Variants in EYA1 observed in about 807,000 individuals in gnomAD.
EYA1 encodes the protein EYA transcriptional coactivator and phosphatase 1.
A neutral mutation model predicts 82.0 loss-of-function variants in EYA1; 16 were observed. That is an observed-to-expected ratio of 0.20 (90% confidence interval 0.13 to 0.30). EYA1 has a LOEUF of 0.30. Among genes scored for constraint, EYA1 ranks in the 10% least tolerant of loss-of-function variants. The pLI, the probability that EYA1 is intolerant of heterozygous loss-of-function variation, is 1.00. For synonymous variants in EYA1, 261 were observed against 264.4 expected, an observed-to-expected ratio of 0.99 and a Z score of 0.12; for missense variants, 633 against 730.7, an observed-to-expected ratio of 0.87 and a Z score of 1.54.
intron 1 of EYA1, among the ~76,000 whole-genome samples, chr8:71,540,491 A>G (rs144417827): frequency 1.0e-3 from 153 of 152,114 alleles, no homozygotes; most frequent in Admixed American, 2.0e-3. Flanking sequence ...TTATGGTGAC[A>G]TGAAGCAGAC....
At chr8:71,439,233 G>A (rs1806229258) in intron 2 of EYA1, among the ~76,000 whole-genome samples, 1 of 152,156 alleles carries the variant, frequency 6.6e-6, no homozygotes, top group Non-Finnish European at 1.5e-5. Flanking sequence ...TGACCACCTA[G>A]CCATAACTCT....
intron 2 of EYA1, among the ~76,000 whole-genome samples, chr8:71,397,619 C>T (rs1471435868): frequency 6.6e-6 from 1 of 152,216 alleles, no homozygotes; most frequent in Non-Finnish European, 1.5e-5. Flanking sequence ...TATTGGCCCC[C>T]ACTCTCTTTT....
chr8:71,491,862 T>G (rs1811018615), intron 2 of EYA1, among the ~76,000 whole-genome samples: 1 of 152,238 alleles, frequency 6.6e-6, no homozygotes, highest in East Asian at 1.9e-4. Flanking sequence ...TTTAGTTTAC[T>G]GAATATAGCC....
At chr8:71,352,839 CCACACATTACT>C in intron 3 of EYA1, among the ~76,000 whole-genome samples, 1 of 152,248 alleles carries the variant, frequency 6.6e-6, no homozygotes, top group Non-Finnish European at 1.5e-5. Context: ...AGAAAACAAA[CCACACATTACT>C]CACACAAAGC....
chr8:71,226,109 T>C (rs1810522558), intron 12 of EYA1, among the ~76,000 whole-genome samples: 1 of 152,202 alleles, frequency 6.6e-6, no homozygotes, highest in Non-Finnish European at 1.5e-5. Flanking sequence ...TATGTGCTGG[T>C]ATATGCATAA....
chr8:71,473,223 G>T (rs1466083131), intron 2 of EYA1, among the ~76,000 whole-genome samples: 4 of 151,958 alleles, frequency 2.6e-5, no homozygotes, highest in Non-Finnish European at 4.4e-5. Context: ...AAACTAAAAA[G>T]CTTCTGCACA....
At chr8:71,289,465 T>C (rs1050692506) in intron 9 of EYA1, among the ~76,000 whole-genome samples, 1 of 152,208 alleles carries the variant, frequency 6.6e-6, no homozygotes, top group Admixed American at 6.5e-5. Flanking sequence ...TTTTGCTGAG[T>C]GCTGATTAAA....
intron 2 of EYA1, among the ~76,000 whole-genome samples, chr8:71,473,201 T>A (rs4350014): frequency 0.15 from 23,236 of 151,702 alleles, 3,155 homozygotes; most frequent in East Asian, 0.48. Context: ...AATTGACAAA[T>A]GGGATCTAAT....
intron 3 of EYA1, among the ~76,000 whole-genome samples, chr8:71,345,496 T>A (rs918302356): frequency 6.6e-6 from 1 of 152,222 alleles, no homozygotes; most frequent in Non-Finnish European, 1.5e-5. Flanking sequence ...GCTTCAGGAC[T>A]CTTGGCTCCC....
chr8:71,204,557 C>T (rs554842544), intron 17 of EYA1, among the ~76,000 whole-genome samples: 5 of 152,266 alleles, frequency 3.3e-5, no homozygotes, highest in Non-Finnish European at 7.4e-5. Context: ...GGTTAAATAG[C>T]ACATCCACAT....
chr8:71,473,650 C>T (rs1479891313), intron 2 of EYA1, among the ~76,000 whole-genome samples: 1 of 152,084 alleles, frequency 6.6e-6, no homozygotes, highest in Non-Finnish European at 1.5e-5. Context: ...GGCGATTCCT[C>T]AAGGATCTAG....
intron 4 of EYA1, among the ~76,000 whole-genome samples, chr8:71,325,504 A>G (rs1382036211): frequency 6.6e-6 from 1 of 152,228 alleles, no homozygotes; most frequent in East Asian, 1.9e-4. Flanking sequence ...AGAGGGAATC[A>G]ACACACACTA....
chr8:71,284,671 A>G (rs1190057720), intron 9 of EYA1, among the ~76,000 whole-genome samples: 1 of 152,242 alleles, frequency 6.6e-6, no homozygotes, highest in Admixed American at 6.5e-5. Flanking sequence ...TGATAAAGTG[A>G]TATTCCAGTT....
chr8:71,472,788 GATATATATAT>G (rs71264559), intron 2 of EYA1, among the ~76,000 whole-genome samples: 71 of 126,840 alleles, frequency 5.6e-4, no homozygotes, highest in Middle Eastern at 4.1e-3. Context: ...TAGCTTTGAA[GATATATATAT>G]ATATATATAT....
intron 3 of EYA1, among the ~76,000 whole-genome samples, chr8:71,340,136 G>C (rs1371384935): frequency 6.6e-6 from 1 of 152,136 alleles, no homozygotes; most frequent in African/African-American, 2.4e-5. Flanking sequence ...AGATGTGCGT[G>C]AGTCGCTCCT....
chr8:71,391,733 C>A (rs1829290281), intron 2 of EYA1, among the ~76,000 whole-genome samples: 1 of 152,148 alleles, frequency 6.6e-6, no homozygotes, highest in Admixed American at 6.5e-5. Context: ...GGGACTTACC[C>A]AGGTGTGAAC....
chr8:71,398,927 G>C (rs1365052622), intron 2 of EYA1, among the ~76,000 whole-genome samples: 1 of 152,204 alleles, frequency 6.6e-6, no homozygotes, highest in Non-Finnish European at 1.5e-5. Flanking sequence ...GCCTCCTTGA[G>C]TATGGTGGGC....
intron 1 of EYA1, among the ~76,000 whole-genome samples, chr8:71,545,080 C>T (rs1815439952): frequency 6.6e-6 from 1 of 152,202 alleles, no homozygotes; most frequent in African/African-American, 2.4e-5. Context: ...AAAGGGTAGA[C>T]TGAAAACTCA....
intron 11 of EYA1, among the ~76,000 whole-genome samples, chr8:71,249,231 C>T (rs1390506788): frequency 6.6e-6 from 1 of 151,992 alleles, no homozygotes; most frequent in African/African-American, 2.4e-5. Flanking sequence ...TTCCTAGAAT[C>T]TATGTATACA....
Sources: allele counts gnomAD v4.1 joint callset (sites outside exome capture counted in the v4.1 genomes callset), GRCh38; gene constraint gnomAD v4.1.1; transcripts MANE v1.5; gene names NCBI Gene and HGNC (gene_info 2026-07-23, HGNC 2026-07-21).